PTPRK: variants seen among roughly 807,000 people sequenced by gnomAD.
PTPRK encodes protein tyrosine phosphatase receptor type K.
In PTPRK, 75 loss-of-function variants were observed where a neutral mutation model predicts 178.0. The ratio of observed to expected loss-of-function variants is 0.42; its 90% CI spans 0.35 to 0.51. PTPRK has a LOEUF of 0.51. Among genes scored for constraint, PTPRK ranks in the 20% least tolerant of loss-of-function variants. The pLI is 0.02. For missense variants in PTPRK, 1,441 were observed against 1,797.8 expected (o/e 0.80, Z 3.59); for synonymous variants, 637 against 620.6 (o/e 1.03, Z -0.39).
At chr6:128,137,359 G>A (rs1215725684) in intron 7 of PTPRK, among the ~76,000 whole-genome samples, 1 of 152,168 alleles carries the variant, frequency 6.6e-6, no homozygotes, top group Non-Finnish European at 1.5e-5. Context: ...CATCAATGGA[G>A]TGGGGGATAA....
intron 1 of PTPRK, among the ~76,000 whole-genome samples, chr6:128,502,151 G>A (rs567988161): frequency 2.2e-4 from 34 of 152,256 alleles, no homozygotes; most frequent in Middle Eastern, 3.4e-3. Flanking sequence ...TGTTTAGCAT[G>A]AAAAATGTCC....
chr6:128,182,397 G>A (rs1426164704), intron 7 of PTPRK, among the ~76,000 whole-genome samples: 1 of 152,034 alleles, frequency 6.6e-6, no homozygotes, highest in Non-Finnish European at 1.5e-5. Context: ...GCAACATGGT[G>A]AAACCCATCT....
At chr6:128,068,492 C>T (rs1782229073) in intron 11 of PTPRK, among the ~76,000 whole-genome samples, 1 of 152,090 alleles carries the variant, frequency 6.6e-6, no homozygotes, top group Non-Finnish European at 1.5e-5. Flanking sequence ...AAAGCTCTAA[C>T]CTAAACCTTC....
At chr6:128,310,145 G>A (rs569578264) in intron 3 of PTPRK, among the ~76,000 whole-genome samples, 1 of 152,250 alleles carries the variant, frequency 6.6e-6, no homozygotes, top group African/African-American at 2.4e-5. Context: ...TGGATAACAG[G>A]GGAAGTAGAT....
intron 7 of PTPRK, among the ~76,000 whole-genome samples, chr6:128,151,547 C>A (rs1362508810): frequency 6.6e-6 from 1 of 151,514 alleles, no homozygotes; most frequent in Non-Finnish European, 1.5e-5. Flanking sequence ...AACTGCAGAT[C>A]AGATAGTTAT....
chr6:127,982,509 C>T (rs976900474), intron 24 of PTPRK, among the ~76,000 whole-genome samples: 1 of 152,072 alleles, frequency 6.6e-6, no homozygotes, highest in Non-Finnish European at 1.5e-5. Flanking sequence ...CTCCTGACCT[C>T]GTGATCCACC....
At chr6:128,229,581 A>T (rs1338875871) in intron 5 of PTPRK, among the ~76,000 whole-genome samples, 1 of 152,186 alleles carries the variant, frequency 6.6e-6, no homozygotes, top group Non-Finnish European at 1.5e-5. Context: ...TCACATCCAG[A>T]GGAGAAAGTG....
intron 7 of PTPRK, among the ~76,000 whole-genome samples, chr6:128,110,073 T>G (rs1326489554): frequency 6.6e-6 from 1 of 152,080 alleles, no homozygotes; most frequent in African/African-American, 2.4e-5. Context: ...GTTGATTTGT[T>G]TTATTTTTTG....
At chr6:128,264,015 C>T (rs1818572776) in intron 3 of PTPRK, among the ~76,000 whole-genome samples, 1 of 151,106 alleles carries the variant, frequency 6.6e-6, no homozygotes, top group African/African-American at 2.5e-5. Flanking sequence ...AAGCAGACTA[C>T]TACATCAAGC....
chr6:128,245,890 A>G (rs1815368075), intron 3 of PTPRK, among the ~76,000 whole-genome samples: 1 of 152,220 alleles, frequency 6.6e-6, no homozygotes, highest in African/African-American at 2.4e-5. Context: ...ATTATACTCC[A>G]AGCCCTCTTG....
intron 1 of PTPRK, among the ~76,000 whole-genome samples, chr6:128,442,038 C>G (rs75177211): frequency 0.017 from 2,515 of 152,268 alleles, 29 homozygotes; most frequent in Non-Finnish European, 0.027. Context: ...CAAGTGTTAA[C>G]TCCATATTTG....
intron 3 of PTPRK, among the ~76,000 whole-genome samples, chr6:128,312,528 A>G (rs1827390247): frequency 2.0e-5 from 3 of 152,150 alleles, no homozygotes; most frequent in Admixed American, 2.0e-4. Context: ...CTCTTTGGAC[A>G]TTTAATGACA....
intron 6 of PTPRK, among the ~76,000 whole-genome samples, chr6:128,186,112 T>C (rs1802724014): frequency 6.6e-6 from 1 of 152,146 alleles, no homozygotes; most frequent in South Asian, 2.1e-4. Flanking sequence ...TAAATATTAA[T>C]TGAGTAGCTA....
At chr6:128,147,387 T>C (rs1235736849) in intron 7 of PTPRK, among the ~76,000 whole-genome samples, 1 of 152,168 alleles carries the variant, frequency 6.6e-6, no homozygotes, top group Non-Finnish European at 1.5e-5. Context: ...TGGTACTAAA[T>C]AGCAAAACTT....
At chr6:128,240,226 A>C (rs1814153361) in intron 4 of PTPRK, 76 bp from the exon 5 acceptor site, 1 of 1,082,344 alleles carries the variant, frequency 9.2e-7, no homozygotes. Context: ...CTCCAGCTGA[A>C]TATTATCATT....
At chr6:128,125,763 C>G (rs1255345065) in intron 7 of PTPRK, among the ~76,000 whole-genome samples, 1 of 151,666 alleles carries the variant, frequency 6.6e-6, no homozygotes, top group East Asian at 1.9e-4. Flanking sequence ...GGATGCACCA[C>G]CATACCTGGC....
intron 13 of PTPRK, among the ~76,000 whole-genome samples, chr6:128,059,873 T>C (rs1327872321): frequency 6.6e-6 from 1 of 152,210 alleles, no homozygotes; most frequent in South Asian, 2.1e-4. Context: ...TAATACTCCA[T>C]ATGCAAACAA....
At chr6:128,235,014 A>G (rs910305798) in intron 5 of PTPRK, among the ~76,000 whole-genome samples, 4 of 152,218 alleles carry the variant, frequency 2.6e-5, no homozygotes, top group Non-Finnish European at 5.9e-5. Context: ...GTGGAATTGG[A>G]ATGTCCTTAA....
At chr6:128,225,148 T>G (rs1302012925) in intron 5 of PTPRK, among the ~76,000 whole-genome samples, 2 of 152,212 alleles carry the variant, frequency 1.3e-5, no homozygotes, top group Non-Finnish European at 2.9e-5. Context: ...ACAATACATG[T>G]CGAGATTATT....
Sources: allele counts gnomAD v4.1 joint callset (sites outside exome capture counted in the v4.1 genomes callset), GRCh38; gene constraint gnomAD v4.1.1; transcripts MANE v1.5; gene names NCBI Gene and HGNC (gene_info 2026-07-23, HGNC 2026-07-21).